Variants in PRDM16 observed in about 807,000 individuals in gnomAD.
PRDM16 encodes the protein histone-lysine N-methyltransferase PRDM16.
PRDM16 carries 23 observed loss-of-function variants against 110.6 expected under a neutral mutation model. The ratio of observed to expected loss-of-function variants is 0.21; its 90% CI spans 0.15 to 0.29. The LOEUF (loss-of-function observed/expected upper bound fraction) is 0.29. Ranked by LOEUF, PRDM16 falls within the 10% of genes least tolerant of loss-of-function variation. The probability of loss-of-function intolerance (pLI) is 1.00; values close to 1 mark genes in which losing one functional copy is unlikely to be tolerated. For missense variants in PRDM16, 1,615 were observed against 1,794.3 expected, an observed-to-expected ratio of 0.90 and a Z score of 1.81; for synonymous variants, 799 against 781.8, an observed-to-expected ratio of 1.02 and a Z score of -0.37.
chr1:3,283,675 G>C (rs1052158792), intron 3 of PRDM16, among the ~76,000 whole-genome samples: 1 of 151,962 alleles, frequency 6.6e-6, no homozygotes, highest in Non-Finnish European at 1.5e-5. Context: ...GGTGGTCAGC[G>C]AAGGGTTATG....
intron 1 of PRDM16, among the ~76,000 whole-genome samples, chr1:3,160,389 C>A (rs1256482729): frequency 6.6e-6 from 1 of 152,174 alleles, no homozygotes; most frequent in Non-Finnish European, 1.5e-5. Context: ...GGGGAGGGGG[C>A]TTTGGCCTGA....
rs940854150 is a variant in PRDM16 at position 3,148,136 on chromosome 1, G to A, written c.38-37989G>A. Among the ~76,000 whole-genome samples, 1 of 152,134 alleles carries A rather than the reference G, an allele frequency of 6.6e-6. No individual in the cohort carries two copies. Among genetic ancestry groups the A allele is most frequent in the Admixed American group, 6.5e-5 (1 of 15,276 alleles). ...GTGGTGGGGTGTGGTTGGGCATCAG[G>A]ACGGTTTTGTGGGAGGGGCTGGGCT... is the stretch of plus-strand genomic sequence containing the variant. On this transcript the variant is annotated intron_variant, in intron 1 of 16. Transcript: ENST00000270722. This position sits in a 1 kb window ranked among gnomAD's most constrained non-coding sequence, Gnocchi z 5.0.
At chr1:3,114,480 A>ACACG (rs1226668128) in intron 1 of PRDM16, among the ~76,000 whole-genome samples, 3 of 146,352 alleles carry the variant, frequency 2.0e-5, no homozygotes, top group South Asian at 2.2e-4. Context: ...GTGTAAACAG[A>ACACG]CACGCACGCA....
intron 1 of PRDM16, among the ~76,000 whole-genome samples, chr1:3,110,192 T>C (rs1642756012): frequency 7.4e-6 from 1 of 135,368 alleles, no homozygotes; most frequent in Non-Finnish European, 1.5e-5. Context: ...ATCCCCCATG[T>C]CCTGGGTATG....
At chr1:3,332,472 C>T (rs1282667892) in intron 3 of PRDM16, among the ~76,000 whole-genome samples, 1 of 151,474 alleles carries the variant, frequency 6.6e-6, no homozygotes, top group Non-Finnish European at 1.5e-5. Flanking sequence ...CCCCTCGGTT[C>T]GGTTTGGTTT....
chr1:3,403,008 C>T lies in PRDM16; in HGVS notation c.884+10C>T, dbSNP rs755158708. 1 of 1,587,582 alleles carries T rather than the reference C, an allele frequency of 6.3e-7. No individual in the cohort carries two copies. Among genetic ancestry groups the T allele is most frequent in the Admixed American group, 1.7e-5 (1 of 58,738 alleles). The stretch of plus-strand genomic sequence containing the variant: ...TCCCCAACAAGTACAGGTGCCACGC[C>T]CTCCTCTGAGTCTTCCTCCCCTTCC... On this transcript the variant is annotated intron_variant, in intron 6 of 16. Coordinates refer to ENST00000270722, the MANE Select transcript of PRDM16 (RefSeq NM_022114.4).
chr1:3,095,608 G>A (rs573169295), intron 1 of PRDM16, among the ~76,000 whole-genome samples: 80 of 152,232 alleles, frequency 5.3e-4, no homozygotes, highest in Middle Eastern at 3.4e-3. Flanking sequence ...TTGACAGGAC[G>A]GTCTCCTCCT....
chr1:3,183,385 C>T (rs547489986), intron 1 of PRDM16, among the ~76,000 whole-genome samples: 9 of 152,350 alleles, frequency 5.9e-5, no homozygotes, highest in South Asian at 2.1e-4. Flanking sequence ...CTGGAGCCTC[C>T]GTGCAGGCTT....
chr1:3,315,614 G>T (rs914513070), intron 3 of PRDM16, among the ~76,000 whole-genome samples: 11 of 152,178 alleles, frequency 7.2e-5, no homozygotes, highest in Non-Finnish European at 1.0e-4. Context: ...ACATGGCACA[G>T]CCTGGAGAGG....
chr1:3,172,782 G>A (rs1011060782), intron 1 of PRDM16, among the ~76,000 whole-genome samples: 7 of 152,232 alleles, frequency 4.6e-5, no homozygotes, highest in Non-Finnish European at 8.8e-5. Context: ...TGGCTGCCGG[G>A]GCTGGGGGAG....
intron 2 of PRDM16, among the ~76,000 whole-genome samples, chr1:3,200,620 G>A (rs1638599496): frequency 6.6e-6 from 1 of 152,224 alleles, no homozygotes; most frequent in Non-Finnish European, 1.5e-5. Flanking sequence ...GGGATTACAG[G>A]CGTGAGCCAC....
At chr1:3,418,509 T>C (rs550800056) in intron 11 of PRDM16, among the ~76,000 whole-genome samples, 158 bp from the exon 12 acceptor site, 2 of 152,148 alleles carry the variant, frequency 1.3e-5, no homozygotes, top group Admixed American at 6.5e-5. Context: ...GAGGCTGGGC[T>C]TCAGGGCCGT....
At chr1:3,335,768 A>G (rs1228438997) in intron 3 of PRDM16, among the ~76,000 whole-genome samples, 3 of 152,120 alleles carry the variant, frequency 2.0e-5, no homozygotes, top group Admixed American at 6.5e-5. Flanking sequence ...GGCAAGGAGG[A>G]CTCAGGAGTC....
At chr1:3,327,331 A>T (rs1641936290) in intron 3 of PRDM16, among the ~76,000 whole-genome samples, 1 of 152,132 alleles carries the variant, frequency 6.6e-6, no homozygotes, top group Non-Finnish European at 1.5e-5. Flanking sequence ...GTTTCCAAGG[A>T]GAAGCCTGGA....
Position 3,151,219 on chromosome 1 carries a change from G to A in PRDM16, c.38-34906G>A, listed in dbSNP as rs112875967. 6.5e-3 allele frequency among the ~76,000 whole-genome samples: 994 copies of A among 152,318 alleles called. 12 individuals carry two copies. The highest frequency in any genetic ancestry group is 0.023 in the African/African-American group (943 of 41,570). On this transcript the variant is annotated intron_variant, in intron 1 of 16. Transcript: ENST00000270722. ...CTGGGCATGGGGGCAGGGCCCTGGG[G>A]CACACTCTGTACCCCCATCTGGTCT...
intron 1 of PRDM16, among the ~76,000 whole-genome samples, chr1:3,173,595 A>G (rs1339425412): frequency 6.6e-6 from 1 of 152,182 alleles, no homozygotes; most frequent in Non-Finnish European, 1.5e-5. Flanking sequence ...CGTGGACCCC[A>G]GTGGGACTTT....
intron 2 of PRDM16, among the ~76,000 whole-genome samples, chr1:3,238,759 G>T (rs1237191543): frequency 6.6e-6 from 1 of 152,156 alleles, no homozygotes; most frequent in African/African-American, 2.4e-5. Context: ...GGGTGGAAGG[G>T]CCTGGCGTGT....
rs1449999694 is a variant in PRDM16 at position 3,359,359 on chromosome 1, A to G, written c.439-25793A>G. Among the ~76,000 whole-genome samples, 1 of 152,210 alleles carries G rather than the reference A, an allele frequency of 6.6e-6. No individual in the cohort carries two copies. The highest frequency in any genetic ancestry group is 1.5e-5 in the Non-Finnish European group (1 of 68,032). On this transcript the variant is annotated intron_variant, in intron 3 of 16. Transcript: ENST00000270722. The surrounding 1 kb of genome is among the most constrained non-coding windows in gnomAD (Gnocchi z 4.3). ...TGTCCATGAAAACAGCCTCAGAACT[A>G]TCAGGGTCTCCCTTCCGACCAGGGC...
intron 8 of PRDM16, among the ~76,000 whole-genome samples, chr1:3,406,608 A>G (rs540190277): frequency 2.6e-5 from 4 of 152,046 alleles, no homozygotes; most frequent in Non-Finnish European, 5.9e-5. Flanking sequence ...CAACCACGGT[A>G]GTGTGTGCCT....
Sources: gnomAD v4.1 joint callset for allele counts (sites outside exome capture counted in the v4.1 genomes callset) on GRCh38, gnomAD v4.1.1 for gene constraint, Gnocchi (gnomAD v3.1) non-coding constraint, MANE v1.5 for transcripts, NCBI Gene and HGNC (gene_info 2026-07-23, HGNC 2026-07-21) for gene names.